Variants in GSE1 observed in about 807,000 individuals in gnomAD.
The protein encoded by GSE1 is genetic suppressor element 1.
A neutral mutation model predicts 112.6 loss-of-function variants in GSE1; 32 were observed. The ratio of observed to expected loss-of-function variants is 0.28; its 90% CI spans 0.21 to 0.38. The LOEUF (loss-of-function observed/expected upper bound fraction) is 0.38, where lower values mean the gene tolerates loss of function less well. Among genes scored for constraint, GSE1 ranks in the 10% least tolerant of loss-of-function variants. GSE1 has a pLI of 1.00. For synonymous variants in GSE1, 1,115 were observed against 735.6 expected, an observed-to-expected ratio of 1.52 and a Z score of -8.35; for missense variants, 2,348 against 1,699.2, an observed-to-expected ratio of 1.38 and a Z score of -6.71.
intron 2 of GSE1, among the ~76,000 whole-genome samples, chr16:85,539,495 G>A (rs1003915543): frequency 2.2e-4 from 34 of 152,204 alleles, no homozygotes; most frequent in African/African-American, 7.7e-4. Flanking sequence ...GGCTTTTCGA[G>A]CCAAGGCTAT....
intron 1 of GSE1, among the ~76,000 whole-genome samples, chr16:85,589,810 ATG>A (rs1414903806): frequency 1.4e-4 from 20 of 144,496 alleles, no homozygotes; most frequent in South Asian, 4.2e-4. Flanking sequence ...ACGTGTGTGA[ATG>A]TGAGTGTGAA....
intron 2 of GSE1, among the ~76,000 whole-genome samples, chr16:85,482,715 C>T (rs550706219): frequency 3.3e-5 from 5 of 152,318 alleles, no homozygotes; most frequent in African/African-American, 1.2e-4. Flanking sequence ...CAGTGGCTCA[C>T]CCCTGTAATC....
Position 85,655,791 on chromosome 16 carries a change from CCCTGCCCCCACTGCA to C in GSE1, c.866_880del (p.Leu289_His293del), listed in dbSNP as rs779917897. 8 of 1,605,520 alleles carry C rather than the reference CCCTGCCCCCACTGCA, an allele frequency of 5.0e-6. No homozygotes were observed. The highest frequency in any genetic ancestry group is 1.7e-5 in the Admixed American group (1 of 59,940). Reference sequence around the variant, plus strand: ...TTCTACCCCATCCCCACCCCCGGCTCCCTGCCCCCACTGCACCCATCAGCGATGCACCTGCACCTC... The same window carrying C: ...TTCTACCCCATCCCCACCCCCGGCTCCCCATCAGCGATGCACCTGCACCTC... On this transcript the variant is annotated inframe_deletion, in exon 6 of 16. Coordinates refer to ENST00000253458, the MANE Select transcript of GSE1 (RefSeq NM_014615.5).
At chr16:85,522,366 C>A (rs963265571) in intron 2 of GSE1, among the ~76,000 whole-genome samples, 2 of 152,002 alleles carry the variant, frequency 1.3e-5, no homozygotes, top group African/African-American at 4.8e-5. Context: ...CCCCTGCCCC[C>A]AGGATGCAGC....
intron 2 of GSE1, among the ~76,000 whole-genome samples, chr16:85,460,163 A>G (rs1433571161): frequency 6.6e-6 from 1 of 152,208 alleles, no homozygotes; most frequent in Non-Finnish European, 1.5e-5. Flanking sequence ...CAGACACTCC[A>G]GCCTGAAACA....
At chr16:85,334,582 G>A (rs2046443995) in intron 1 of GSE1, among the ~76,000 whole-genome samples, 1 of 152,204 alleles carries the variant, frequency 6.6e-6, no homozygotes, top group Non-Finnish European at 1.5e-5. Flanking sequence ...CAGGGGCAGT[G>A]CATTGACTTT....
intron 1 of GSE1, among the ~76,000 whole-genome samples, chr16:85,629,640 C>T (rs1012844305): frequency 6.6e-6 from 1 of 152,200 alleles, no homozygotes; most frequent in Non-Finnish European, 1.5e-5. Context: ...GGCCCAGTCC[C>T]AGCTTTCTCA....
intron 1 of GSE1, among the ~76,000 whole-genome samples, chr16:85,579,579 G>A (rs543765279): frequency 3.9e-5 from 6 of 152,302 alleles, no homozygotes; most frequent in South Asian, 2.1e-4. Flanking sequence ...CAGCAGGGTC[G>A]ATCCTGAGGG....
At chr16:85,656,924 G>A (rs891281669) in intron 7 of GSE1, among the ~76,000 whole-genome samples, 4 of 152,344 alleles carry the variant, frequency 2.6e-5, no homozygotes, top group South Asian at 4.1e-4. Context: ...TGAGTGCTTC[G>A]TTGATTTTAT....
chr16:85,215,780 T>C (rs1166621821), intron 1 of GSE1, among the ~76,000 whole-genome samples: 1 of 152,142 alleles, frequency 6.6e-6, no homozygotes, highest in Non-Finnish European at 1.5e-5. Flanking sequence ...TTATGGGATG[T>C]TATGGGTTAA....
rs755176232 is a variant in GSE1, at chr16:85,373,733, C to T, written c.2464+16090C>T. Among the ~76,000 whole-genome samples the T allele has an allele frequency of 6.6e-6, 1 of 152,084 alleles. No homozygotes were observed. Among genetic ancestry groups the T allele is most frequent in the Non-Finnish European group, 1.5e-5 (1 of 68,002 alleles). On this transcript the variant is annotated intron_variant, in intron 2 of 2. Transcript: ENST00000637419. This position sits in a 1 kb window ranked among gnomAD's most constrained non-coding sequence, Gnocchi z 5.1. ...GCGGGTGGGTGGAGGGACGAAAGGGCGAATGAATGAGCGCTGGCCGCCTTC... is the reference window on the plus strand; with the variant it reads ...GCGGGTGGGTGGAGGGACGAAAGGGTGAATGAATGAGCGCTGGCCGCCTTC...
At chr16:85,264,678 G>T (rs866432315) in intron 1 of GSE1, among the ~76,000 whole-genome samples, 1 of 152,164 alleles carries the variant, frequency 6.6e-6, no homozygotes, top group African/African-American at 2.4e-5. Flanking sequence ...GGTGCTTGTC[G>T]CAGCTCAAGC....
At chr16:85,452,442 A>G (rs1000615580) in intron 2 of GSE1, among the ~76,000 whole-genome samples, 1 of 152,254 alleles carries the variant, frequency 6.6e-6, no homozygotes, top group African/African-American at 2.4e-5. Flanking sequence ...GCAGATGGCC[A>G]GGCCATACTC....
chr16:85,321,998 C>T (rs2046117952), intron 1 of GSE1, among the ~76,000 whole-genome samples: 1 of 152,198 alleles, frequency 6.6e-6, no homozygotes, highest in African/African-American at 2.4e-5. Flanking sequence ...ACCCACTGAG[C>T]CTGGCCGCGG....
chr16:85,372,108 C>G (rs770559192), intron 2 of GSE1, among the ~76,000 whole-genome samples: 1 of 152,186 alleles, frequency 6.6e-6, no homozygotes, highest in Non-Finnish European at 1.5e-5. Flanking sequence ...CCCCTTCCTC[C>G]ATCATGGCTG....
At chr16:85,374,274 G>C (rs1288221552) in intron 2 of GSE1, among the ~76,000 whole-genome samples, 1 of 151,410 alleles carries the variant, frequency 6.6e-6, no homozygotes, top group Non-Finnish European at 1.5e-5. Flanking sequence ...TGCAGTGTGT[G>C]TCAGTGTGTA....
intron 2 of GSE1, among the ~76,000 whole-genome samples, chr16:85,463,484 G>A (rs1365577820): frequency 3.9e-5 from 6 of 152,208 alleles, no homozygotes; most frequent in Non-Finnish European, 2.9e-5. Context: ...GCCTGGCCAT[G>A]CGGCTCCTGG....
At chr16:85,620,788 G>A (rs184814192) in intron 1 of GSE1, among the ~76,000 whole-genome samples, 4 of 152,082 alleles carry the variant, frequency 2.6e-5, no homozygotes, top group South Asian at 4.1e-4. Flanking sequence ...TGAGGAACCC[G>A]TTTAGAGGGT....
At chr16:85,534,668 G>C (rs555689046) in intron 2 of GSE1, among the ~76,000 whole-genome samples, 1 of 152,168 alleles carries the variant, frequency 6.6e-6, no homozygotes, top group African/African-American at 2.4e-5. Context: ...GCTGCTGGTC[G>C]TGCCGCCGTG....
Sources: gnomAD v4.1 joint callset for allele counts (sites outside exome capture counted in the v4.1 genomes callset) on GRCh38, gnomAD v4.1.1 for gene constraint, Gnocchi (gnomAD v3.1) non-coding constraint, MANE v1.5 for transcripts, NCBI Gene and HGNC (gene_info 2026-07-23, HGNC 2026-07-21) for gene names.